The following RAI14 variants were observed in gnomAD, a reference collection of about 807,000 sequenced individuals.
The protein encoded by RAI14 is ankycorbin.
Under a neutral mutation model 115.4 loss-of-function variants are expected in RAI14, and 45 were observed. The observed-to-expected ratio is 0.39, with a 90% CI of 0.31 to 0.50. RAI14 has a LOEUF of 0.50. Ranked by LOEUF, RAI14 falls within the 20% of genes least tolerant of loss-of-function variation. The pLI, the probability that RAI14 is intolerant of heterozygous loss-of-function variation, is 0.85. For synonymous variants in RAI14, 371 were observed against 415.4 expected (o/e 0.89, Z 1.30); for missense variants, 939 against 1,131.2 (o/e 0.83, Z 2.44).
chr5:34,818,534 C>T (rs1021950182), intron 12 of RAI14, among the ~76,000 whole-genome samples: 3 of 152,192 alleles, frequency 2.0e-5, no homozygotes, highest in Admixed American at 6.5e-5. Flanking sequence ...GCATTGTACT[C>T]ACTAAATGAA....
At chr5:34,799,050 C>T (rs965396151) in intron 4 of RAI14, among the ~76,000 whole-genome samples, 12 of 152,088 alleles carry the variant, frequency 7.9e-5, no homozygotes, top group Non-Finnish European at 1.5e-4. Context: ...AAAGAGAACA[C>T]GGGAACAAAA....
intron 2 of RAI14, among the ~76,000 whole-genome samples, chr5:34,727,112 A>T (rs1469407331): frequency 3.3e-5 from 5 of 152,198 alleles, no homozygotes; most frequent in African/African-American, 1.2e-4. Context: ...CAAAATGCTG[A>T]TAGTGATATG....
At chr5:34,794,771 C>G (rs1429044904) in intron 3 of RAI14, among the ~76,000 whole-genome samples, 2 of 152,096 alleles carry the variant, frequency 1.3e-5, no homozygotes, top group Non-Finnish European at 2.9e-5. Flanking sequence ...TTGATATGTC[C>G]CCCTCACTCA....
At chr5:34,748,831 AG>A (rs1409672967) in intron 2 of RAI14, among the ~76,000 whole-genome samples, 3 of 151,536 alleles carry the variant, frequency 2.0e-5, no homozygotes, top group Non-Finnish European at 2.9e-5. Flanking sequence ...AAAAAAAAAA[AG>A]AAAATTTGGG....
rs1268899205 is a variant in RAI14 at position 34,721,333 on chromosome 5, A to C, written c.36+34378A>C. ...TATATATATATATATATAGATGTGT[A>C]TGTATGTATATTGTATACATACATA... On this transcript the variant is annotated intron_variant, in intron 2 of 17. Coordinates refer to ENST00000265109, the MANE Select transcript of RAI14 (RefSeq NM_015577.3). 2.7e-5 allele frequency among the ~76,000 whole-genome samples: 4 copies of C among 145,868 alleles called. No homozygotes were observed. The East Asian group carries it at 8.2e-4, about 30-fold the overall frequency.
At chr5:34,680,128 ATC>A (rs1363397002) in intron 1 of RAI14, among the ~76,000 whole-genome samples, 2 of 152,146 alleles carry the variant, frequency 1.3e-5, no homozygotes, top group Non-Finnish European at 2.9e-5. Flanking sequence ...CGGTTCTTGA[ATC>A]TCTCACTCAC....
chr5:34,734,733 C>A lies in RAI14; in HGVS notation c.37-22735C>A, dbSNP rs1744644974. ...CTGGAGTGCAGTGGCGCAATCTCGG[C>A]TCACTGCAAGCTCCGCCTCCCAGGT... is the stretch of plus-strand genomic sequence containing the variant. On this transcript the variant is annotated intron_variant, in intron 2 of 17. Coordinates refer to ENST00000265109, the MANE Select transcript of RAI14 (RefSeq NM_015577.3). 2.6e-5 allele frequency among the ~76,000 whole-genome samples: 4 copies of A among 151,888 alleles called. No individual in the cohort carries two copies. In the South Asian group the frequency reaches 8.3e-4, roughly 32 times the overall value.
chr5:34,732,162 C>T (rs1193704031), intron 2 of RAI14, among the ~76,000 whole-genome samples: 1 of 152,206 alleles, frequency 6.6e-6, no homozygotes, highest in East Asian at 1.9e-4. Context: ...TGTCTAGGGA[C>T]TGCCCAAGAG....
At chr5:34,664,968 G>T in intron 1 of RAI14, among the ~76,000 whole-genome samples, 1 of 125,630 alleles carries the variant, frequency 8.0e-6, no homozygotes, top group Non-Finnish European at 1.7e-5. Flanking sequence ...CCTTTTTATG[G>T]CTAAGTAGTA....
intron 4 of RAI14, among the ~76,000 whole-genome samples, chr5:34,799,537 CACA>C (rs1466770558): frequency 9.5e-5 from 5 of 52,900 alleles, no homozygotes; most frequent in Non-Finnish European, 2.3e-4. Context: ...CACACACACA[CACA>C]AAACCACCTT....
intron 2 of RAI14, among the ~76,000 whole-genome samples, chr5:34,714,920 G>C (rs960833918): frequency 6.6e-6 from 1 of 152,176 alleles, no homozygotes; most frequent in Non-Finnish European, 1.5e-5. Flanking sequence ...CGGTCTACCT[G>C]CCCACCTCAG....
intron 3 of RAI14, among the ~76,000 whole-genome samples, chr5:34,784,101 G>C (rs946369349): frequency 1.3e-5 from 2 of 152,196 alleles, no homozygotes; most frequent in Non-Finnish European, 2.9e-5. Flanking sequence ...GGGCGTCGCT[G>C]GATAATAGCT....
chr5:34,820,630 T>G (rs761482313), intron 13 of RAI14, among the ~76,000 whole-genome samples: 5 of 152,048 alleles, frequency 3.3e-5, no homozygotes, highest in Non-Finnish European at 5.9e-5. Flanking sequence ...ATAATAATAT[T>G]AAGTTTGGAC....
intron 4 of RAI14, among the ~76,000 whole-genome samples, chr5:34,800,939 A>G (rs1034386696): frequency 2.4e-4 from 36 of 152,224 alleles, no homozygotes. Flanking sequence ...CTTCATTTGT[A>G]AGGCATTTGT....
Position 34,812,192 on chromosome 5 carries a change from C to A in RAI14, c.749C>A (p.Pro250Gln), listed in dbSNP as rs1294093591. The stretch of plus-strand genomic sequence containing the variant: ...TTTTCCTCTATAGATTTAAAGACCC[C>A]AACAAAACCAAAGCAGGTATTTATC... ...KISQDADLKTPTKPKQHDQVS... is the reference protein window; with the variant it reads ...KISQDADLKTQTKPKQHDQVS... The change falls in exon 10 of 18, where the codon CCA becomes CAA. Residue 250 changes from proline to glutamine, a missense_variant. Coordinates refer to ENST00000265109, the MANE Select transcript of RAI14 (RefSeq NM_015577.3). The A allele has an allele frequency of 1.3e-6, 2 of 1,581,864 alleles. No homozygotes were observed. The highest frequency in any genetic ancestry group is 1.7e-5 in the Admixed American group (1 of 58,232).
chr5:34,683,871 G>A (rs1744581517), intron 1 of RAI14, among the ~76,000 whole-genome samples: 2 of 152,128 alleles, frequency 1.3e-5, no homozygotes, highest in Admixed American at 6.5e-5. Flanking sequence ...GGGACTACAG[G>A]CGCCCGCCAT....
At chr5:34,816,989 G>C (rs1756307486) in intron 12 of RAI14, among the ~76,000 whole-genome samples, 1 of 152,004 alleles carries the variant, frequency 6.6e-6, no homozygotes, top group Non-Finnish European at 1.5e-5. Flanking sequence ...GTGATATCTA[G>C]GCCAGGCTCG....
At chr5:34,730,394 C>T (rs551529337) in intron 2 of RAI14, among the ~76,000 whole-genome samples, 14 of 152,138 alleles carry the variant, frequency 9.2e-5, no homozygotes, top group East Asian at 7.7e-4. Context: ...ATTTATTGGC[C>T]AGGCATGGAT....
intron 1 of RAI14, among the ~76,000 whole-genome samples, chr5:34,657,795 G>A (rs961902042): frequency 6.6e-6 from 1 of 152,230 alleles, no homozygotes; most frequent in Non-Finnish European, 1.5e-5. Context: ...CACCTCCTCG[G>A]GCTTTGCACA....
Sources: allele counts gnomAD v4.1 joint callset (sites outside exome capture counted in the v4.1 genomes callset), GRCh38; gene constraint gnomAD v4.1.1; transcripts MANE v1.5; gene names NCBI Gene and HGNC (gene_info 2026-07-23, HGNC 2026-07-21).